The following HRH1 variants were observed in gnomAD, a reference collection of about 807,000 sequenced individuals.
The protein encoded by HRH1 is histamine H1 receptor.
Under a neutral mutation model 10.3 loss-of-function variants are expected in HRH1, and 6 were observed. The ratio of observed to expected loss-of-function variants is 0.58; its 90% CI spans 0.32 to 1.15. The LOEUF is 1.15. Among genes scored for constraint, HRH1 ranks in the 50% most tolerant of loss-of-function variants. The pLI is 0.05. For synonymous variants in HRH1, 242 were observed against 236.7 expected, an observed-to-expected ratio of 1.02 and a Z score of -0.21; for missense variants, 514 against 615.3, an observed-to-expected ratio of 0.84 and a Z score of 1.74.
At chr3:11,166,691 T>G (rs1937040650) in intron 1 of HRH1, among the ~76,000 whole-genome samples, 1 of 144,798 alleles carries the variant, frequency 6.9e-6, no homozygotes, top group Non-Finnish European at 1.5e-5. Context: ...GCCCGTGACA[T>G]CTGCTGTCCC....
intron 1 of HRH1, among the ~76,000 whole-genome samples, chr3:11,247,151 C>T (rs1465020854): frequency 6.6e-6 from 1 of 151,902 alleles, no homozygotes; most frequent in African/African-American, 2.4e-5. Flanking sequence ...GGTGAAACAC[C>T]ATCTCTACTA....
At chr3:11,155,065 G>T (rs1177396542) in intron 1 of HRH1, among the ~76,000 whole-genome samples, 2 of 152,192 alleles carry the variant, frequency 1.3e-5, no homozygotes, top group Admixed American at 6.5e-5. Flanking sequence ...AGCATCAGCT[G>T]GTTAAGGGGA....
At chr3:11,234,390 G>T (rs898322533) in intron 1 of HRH1, 4 of 1,604,784 alleles carry the variant, frequency 2.5e-6, no homozygotes, top group Admixed American at 1.7e-5. Context: ...TATTTCTGCA[G>T]GCATTCCTGC....
chr3:11,189,708 G>T (rs943988400), intron 1 of HRH1, among the ~76,000 whole-genome samples: 1 of 151,932 alleles, frequency 6.6e-6, no homozygotes, highest in Non-Finnish European at 1.5e-5. Context: ...AAAGGGGGTG[G>T]ATCACTGGAG....
chr3:11,168,657 G>A lies in HRH1; in HGVS notation c.-36+14103G>A, dbSNP rs578112428. Reference sequence around the variant, plus strand: ...TGTGCCTGCGTCCTGGGGCAACAGCGAGCATGCAGGGCCCTAGCAGGACTC... The same window carrying A: ...TGTGCCTGCGTCCTGGGGCAACAGCAAGCATGCAGGGCCCTAGCAGGACTC... On this transcript the variant is annotated intron_variant, in intron 1 of 1. Coordinates refer to ENST00000431010, the MANE Select transcript of HRH1 (RefSeq NM_001098212.2). Among the ~76,000 whole-genome samples the A allele has an allele frequency of 6.6e-5, 10 of 152,344 alleles. No individual in the cohort carries two copies. In the East Asian group the frequency reaches 1.3e-3, roughly 21 times the overall value.
intron 1 of HRH1, among the ~76,000 whole-genome samples, chr3:11,206,015 C>T (rs901504407): frequency 6.6e-6 from 1 of 152,116 alleles, no homozygotes; most frequent in African/African-American, 2.4e-5. Context: ...GGACCTTCCC[C>T]AGGCCCTGGA....
chr3:11,203,089 T>C (rs1322792540), intron 1 of HRH1, among the ~76,000 whole-genome samples: 2 of 152,222 alleles, frequency 1.3e-5, no homozygotes, highest in African/African-American at 4.8e-5. Context: ...TGATAGCTTA[T>C]TTATTTTTAA....
chr3:11,157,465 C>G (rs1936833712), intron 1 of HRH1, among the ~76,000 whole-genome samples: 1 of 152,340 alleles, frequency 6.6e-6, no homozygotes, highest in Non-Finnish European at 1.5e-5. Flanking sequence ...CCCTCCCTTT[C>G]ACAGTGACGC....
At chr3:11,246,578 G>C (rs1176211474) in intron 1 of HRH1, among the ~76,000 whole-genome samples, 1 of 152,194 alleles carries the variant, frequency 6.6e-6, no homozygotes, top group Non-Finnish European at 1.5e-5. Flanking sequence ...TCACTGACGA[G>C]AACTATCCAT....
intron 1 of HRH1, among the ~76,000 whole-genome samples, chr3:11,235,427 C>T (rs965507159): frequency 4.6e-5 from 7 of 152,122 alleles, no homozygotes; most frequent in African/African-American, 1.2e-4. Flanking sequence ...TGGAGGTAGA[C>T]GTCCTGGCTC....
At chr3:11,209,473 A>C (rs557113450) in intron 1 of HRH1, among the ~76,000 whole-genome samples, 1 of 152,214 alleles carries the variant, frequency 6.6e-6, no homozygotes, top group Non-Finnish European at 1.5e-5. Flanking sequence ...GTTTGATAAT[A>C]AAACTACTTT....
At chr3:11,257,026 G>A (rs1332063264) in intron 1 of HRH1, among the ~76,000 whole-genome samples, 1 of 152,014 alleles carries the variant, frequency 6.6e-6, no homozygotes, top group Non-Finnish European at 1.5e-5. Flanking sequence ...GCCAAGGTGG[G>A]CGGATCATCT....
intron 1 of HRH1, among the ~76,000 whole-genome samples, chr3:11,183,855 C>CTTTTTTTT (rs60566877): frequency 1.1e-5 from 1 of 91,960 alleles, no homozygotes; most frequent in Non-Finnish European, 2.0e-5. Flanking sequence ...GGAAAGCTTG[C>CTTTTTTTT]TTTTTTTTTT....
chr3:11,192,310 C>T (rs1937555023), intron 1 of HRH1, among the ~76,000 whole-genome samples: 1 of 151,624 alleles, frequency 6.6e-6, no homozygotes. Context: ...TGATTTTTAA[C>T]AACATAGATG....
At position 11,259,024 on chromosome 3, in the gene HRH1, C is replaced by T; in HGVS notation, c.-14C>T. 6.4e-7 allele frequency: 1 copy of T among 1,569,102 alleles called. No individual in the cohort carries two copies. The highest frequency in any genetic ancestry group is 8.6e-7 in the Non-Finnish European group (1 of 1,157,208). ...CCAGGGAGTGAGCCATAACTGGTGGCTGCTCTTGCGCCAATGAGCCTCCCC... is the reference window on the plus strand; with the variant it reads ...CCAGGGAGTGAGCCATAACTGGTGGTTGCTCTTGCGCCAATGAGCCTCCCC... On this transcript the variant is annotated 5_prime_UTR_variant, in exon 2 of 2. Transcript: ENST00000431010. The surrounding 1 kb of genome is among the most constrained non-coding windows in gnomAD (Gnocchi z 4.6).
chr3:11,258,697 C>T, intron 1 of HRH1, among the ~76,000 whole-genome samples: 1 of 152,212 alleles, frequency 6.6e-6, no homozygotes, highest in East Asian at 1.9e-4. Context: ...TTTCTACAAA[C>T]ACATTTGTCT....
intron 1 of HRH1, among the ~76,000 whole-genome samples, chr3:11,212,086 A>C (rs996195500): frequency 6.6e-6 from 1 of 152,136 alleles, no homozygotes; most frequent in Admixed American, 6.5e-5. Context: ...TGGGAATGCC[A>C]GGGCACACGC....
chr3:11,218,763 A>G (rs923248416), intron 1 of HRH1, among the ~76,000 whole-genome samples: 2 of 152,122 alleles, frequency 1.3e-5, no homozygotes, highest in Non-Finnish European at 2.9e-5. Flanking sequence ...TTTCATAGAG[A>G]TGGGGTTTCA....
At chr3:11,196,647 G>A (rs1937662562) in intron 1 of HRH1, among the ~76,000 whole-genome samples, 1 of 152,062 alleles carries the variant, frequency 6.6e-6, no homozygotes, top group Non-Finnish European at 1.5e-5. Flanking sequence ...CCTTTGTTGA[G>A]TCATCTCTCA....
Sources: allele counts gnomAD v4.1 joint callset (sites outside exome capture counted in the v4.1 genomes callset), GRCh38; gene constraint gnomAD v4.1.1; non-coding constraint Gnocchi (gnomAD v3.1); transcripts MANE v1.5; gene names NCBI Gene and HGNC (gene_info 2026-07-23, HGNC 2026-07-21).